Variants in DPF3 observed in about 807,000 individuals in gnomAD.
DPF3 encodes the protein zinc finger protein DPF3.
Under a neutral mutation model 56.8 loss-of-function variants are expected in DPF3, and 18 were observed. That is an observed-to-expected ratio of 0.32 (90% confidence interval 0.22 to 0.47). DPF3 has a LOEUF of 0.47. Ranked by LOEUF, DPF3 falls within the 20% of genes least tolerant of loss-of-function variation. The pLI is 1.00. For missense variants in DPF3, 403 were observed against 488.8 expected (o/e 0.82, Z 1.65); for synonymous variants, 188 against 180.2 (o/e 1.04, Z -0.35).
chr14:72,798,495 T>C (rs2139996546), intron 1 of DPF3, among the ~76,000 whole-genome samples: 1 of 152,274 alleles, frequency 6.6e-6, no homozygotes, highest in South Asian at 2.1e-4. Flanking sequence ...GAGAAAACTA[T>C]TGCTCAATCC....
chr14:72,763,427 G>A (rs932650782), intron 2 of DPF3, among the ~76,000 whole-genome samples: 7 of 152,096 alleles, frequency 4.6e-5, no homozygotes, highest in African/African-American at 1.7e-4. Context: ...ACAGAACTGA[G>A]AGTCCAGAAA....
At chr14:72,756,243 C>A (rs925641585) in intron 2 of DPF3, among the ~76,000 whole-genome samples, 18 of 152,212 alleles carry the variant, frequency 1.2e-4, no homozygotes, top group Non-Finnish European at 8.8e-5. Flanking sequence ...AGCTGCAACT[C>A]GAGCTACAAC....
At chr14:72,778,167 G>C (rs761115365) in intron 1 of DPF3, among the ~76,000 whole-genome samples, 5 of 152,148 alleles carry the variant, frequency 3.3e-5, no homozygotes, top group Non-Finnish European at 7.3e-5. Context: ...AACTGTGACA[G>C]ACAATTATTT....
In DPF3 at chr14:72,709,582, G is replaced by A. The variant is rs150966762; in HGVS notation, c.604+4841C>T. 1.5e-3 allele frequency among the ~76,000 whole-genome samples: 235 copies of A among 152,150 alleles called. 2 individuals are homozygous for A. Among genetic ancestry groups the A allele is most frequent in the East Asian group, 8.7e-3 (45 of 5,184 alleles). On this transcript the variant is annotated intron_variant, in intron 6 of 10. Transcript: ENST00000556509. ...AATTAACTTTGAAAATGCTTTTTCC[G>A]CAGCCTTCAAGAGAATGAAACTCCA...
Position 72,610,084 on chromosome 14 carries a change from C to T in DPF3, c.*9213G>A, listed in dbSNP as rs1182033390. On this transcript the variant is annotated 3_prime_UTR_variant, in exon 11 of 11. Transcript: ENST00000556509. ...AGTTGTGAGTGTGAGGTAAAAGAGACAAGCAAGCATTTTGGAATGATGGGG... is the reference window on the plus strand; with the variant it reads ...AGTTGTGAGTGTGAGGTAAAAGAGATAAGCAAGCATTTTGGAATGATGGGG... Among the ~76,000 whole-genome samples the T allele has an allele frequency of 6.6e-6, 1 of 152,234 alleles. No individual in the cohort carries two copies. Among genetic ancestry groups the T allele is most frequent in the African/African-American group, 2.4e-5 (1 of 41,452 alleles).
rs1176534540 is a variant in DPF3, at chr14:72,829,558, G to T, written c.33-57665C>A. On this transcript the variant is annotated intron_variant, in intron 1 of 10. Transcript: ENST00000556509. Reference sequence around the variant, plus strand: ...CACCACCACGCCCAGCTAATTTTTTGTATTTTTAGTAGAGACAGGGTTTCA... The same window carrying T: ...CACCACCACGCCCAGCTAATTTTTTTTATTTTTAGTAGAGACAGGGTTTCA... Among the ~76,000 whole-genome samples the T allele has an allele frequency of 2.0e-5, 3 of 151,200 alleles. No individual in the cohort carries two copies. The South Asian group carries it at 6.3e-4, about 32-fold the overall frequency.
Position 72,880,594 on chromosome 14 carries a change from T to C in DPF3, c.32+13463A>G, listed in dbSNP as rs536578840. ...TTTTTTCAGACACGGTCTCACTCTG[T>C]TGCCCAGGCTGGAGTGCAGTGACAC... On this transcript the variant is annotated intron_variant, in intron 1 of 10. Transcript: ENST00000556509. Among the ~76,000 whole-genome samples, 12 of 152,348 alleles carry C rather than the reference T, an allele frequency of 7.9e-5. No homozygotes were observed. In the South Asian group the frequency reaches 2.5e-3, roughly 32 times the overall value.
chr14:72,783,166 T>C (rs1313213102), intron 1 of DPF3, among the ~76,000 whole-genome samples: 1 of 152,216 alleles, frequency 6.6e-6, no homozygotes, highest in Non-Finnish European at 1.5e-5. Context: ...AGGTTCACCC[T>C]ATCTGGAAGT....
intron 1 of DPF3, among the ~76,000 whole-genome samples, chr14:72,884,637 C>G (rs1424678314): frequency 6.6e-6 from 1 of 151,842 alleles, no homozygotes; most frequent in African/African-American, 2.4e-5. Flanking sequence ...CCAAGCTATC[C>G]TGTCATCACC....
chr14:72,758,924 C>A (rs1304244786), intron 2 of DPF3, among the ~76,000 whole-genome samples: 1 of 152,114 alleles, frequency 6.6e-6, no homozygotes, highest in Non-Finnish European at 1.5e-5. Context: ...ATGTGAGGCA[C>A]CCAACCCAAA....
intron 3 of DPF3, among the ~76,000 whole-genome samples, chr14:72,750,588 G>A (rs550011941): frequency 6.6e-6 from 1 of 152,038 alleles, no homozygotes; most frequent in Non-Finnish European, 1.5e-5. Context: ...GAACAGCCCG[G>A]TTAGACAAAT....
intron 8 of DPF3, among the ~76,000 whole-genome samples, chr14:72,649,831 A>T (rs1456433022): frequency 6.6e-6 from 1 of 152,204 alleles, no homozygotes; most frequent in Non-Finnish European, 1.5e-5. Flanking sequence ...CAGCTAAGTA[A>T]TTTACTCAAG....
At chr14:72,675,923 A>C (rs183191855) in intron 7 of DPF3, among the ~76,000 whole-genome samples, 22 of 152,324 alleles carry the variant, frequency 1.4e-4, no homozygotes, top group African/African-American at 5.3e-4. Flanking sequence ...TTTTGCAAAT[A>C]ATCTCCAAAA....
chr14:72,741,495 C>T (rs116008579), intron 3 of DPF3, among the ~76,000 whole-genome samples: 1,635 of 152,346 alleles, frequency 0.011, 29 homozygotes, highest in African/African-American at 0.037. Context: ...GCCAAGATGG[C>T]AACACTTGGG....
At chr14:72,744,391 G>C (rs1890246411) in intron 3 of DPF3, among the ~76,000 whole-genome samples, 1 of 151,834 alleles carries the variant, frequency 6.6e-6, no homozygotes, top group African/African-American at 2.4e-5. Context: ...TCCTACCTCA[G>C]CCTCCCTAGT....
intron 10 of DPF3, among the ~76,000 whole-genome samples, chr14:72,619,635 C>T (rs1884300378): frequency 6.6e-6 from 1 of 152,194 alleles, no homozygotes; most frequent in Admixed American, 6.5e-5. Flanking sequence ...CCTGGAAGCT[C>T]ACACCTCCCG....
At chr14:72,652,606 C>A (rs941851869) in intron 8 of DPF3, among the ~76,000 whole-genome samples, 2 of 152,198 alleles carry the variant, frequency 1.3e-5, no homozygotes, top group African/African-American at 4.8e-5. Flanking sequence ...AAAATCAACT[C>A]AGAGGACTGC....
At chr14:72,781,409 G>A (rs752235232) in intron 1 of DPF3, among the ~76,000 whole-genome samples, 2 of 152,164 alleles carry the variant, frequency 1.3e-5, no homozygotes, top group African/African-American at 2.4e-5. Context: ...AGTTATGTCC[G>A]ACAAACAGCT....
At chr14:72,888,806 G>A (rs566827219) in intron 1 of DPF3, among the ~76,000 whole-genome samples, 2 of 152,260 alleles carry the variant, frequency 1.3e-5, no homozygotes, top group East Asian at 1.9e-4. Flanking sequence ...GTTTTCTAGT[G>A]ACTTTCAAAA....
Sources: gnomAD v4.1 joint callset for allele counts (sites outside exome capture counted in the v4.1 genomes callset) on GRCh38, gnomAD v4.1.1 for gene constraint, MANE v1.5 for transcripts, NCBI Gene and HGNC (gene_info 2026-07-23, HGNC 2026-07-21) for gene names.